Variants in ZFR observed in about 807,000 individuals in gnomAD.
ZFR encodes zinc finger RNA binding protein.
ZFR carries 19 observed loss-of-function variants against 130.7 expected under a neutral mutation model. That is an observed-to-expected ratio of 0.15 (90% CI 0.10 to 0.21). The LOEUF (loss-of-function observed/expected upper bound fraction) is 0.21. ZFR is among the 10% of genes least tolerant of loss of function. ZFR has a pLI of 1.00. For synonymous variants in ZFR, 466 were observed against 456.9 expected, an observed-to-expected ratio of 1.02 and a Z score of -0.25; for missense variants, 872 against 1,321.5, an observed-to-expected ratio of 0.66 and a Z score of 5.27.
At chr5:32,433,134 C>T (rs923627884) in intron 2 of ZFR, among the ~76,000 whole-genome samples, 1 of 151,824 alleles carries the variant, frequency 6.6e-6, no homozygotes, top group Non-Finnish European at 1.5e-5. Context: ...GGTTAAATGT[C>T]GTATGAAAAT....
intron 2 of ZFR, among the ~76,000 whole-genome samples, chr5:32,434,269 C>T (rs948291231): frequency 1.3e-5 from 2 of 152,204 alleles, no homozygotes; most frequent in Non-Finnish European, 2.9e-5. Flanking sequence ...TCATGTAGGA[C>T]ATTATCAGCT....
At chr5:32,440,484 T>C (rs1754444471) in intron 2 of ZFR, among the ~76,000 whole-genome samples, 1 of 151,732 alleles carries the variant, frequency 6.6e-6, no homozygotes, top group Non-Finnish European at 1.5e-5. Flanking sequence ...TCGTCTGTAC[T>C]AAAAATACAA....
At chr5:32,430,708 T>C (rs1191333431) in intron 2 of ZFR, among the ~76,000 whole-genome samples, 2 of 152,110 alleles carry the variant, frequency 1.3e-5, no homozygotes, top group Non-Finnish European at 2.9e-5. Flanking sequence ...GGGAAAAAAC[T>C]GCCTACAGAG....
intron 2 of ZFR, among the ~76,000 whole-genome samples, chr5:32,440,208 T>C (rs1459566774): frequency 6.6e-6 from 1 of 152,206 alleles, no homozygotes; most frequent in Non-Finnish European, 1.5e-5. Flanking sequence ...AAGTTCCCTT[T>C]TGGCCATGAA....
At chr5:32,393,346 T>A (rs111649151) in intron 11 of ZFR, among the ~76,000 whole-genome samples, 2,848 of 145,032 alleles carry the variant, frequency 0.02, 82 homozygotes, top group African/African-American at 0.068. Context: ...TAGTTTTAAA[T>A]TTTTTTTTTT....
intron 5 of ZFR, among the ~76,000 whole-genome samples, chr5:32,409,303 T>C (rs184245563): frequency 6.6e-6 from 1 of 152,272 alleles, no homozygotes; most frequent in East Asian, 1.9e-4. Context: ...TTTAAAACGT[T>C]CTCTTAAATA....
intron 19 of ZFR, among the ~76,000 whole-genome samples, chr5:32,361,248 T>G (rs1752424619): frequency 6.6e-6 from 1 of 152,222 alleles, no homozygotes; most frequent in African/African-American, 2.4e-5. Flanking sequence ...CCAAGTTAGA[T>G]AATTCTAGTT....
chr5:32,384,368 T>A (rs1752992090), intron 15 of ZFR, among the ~76,000 whole-genome samples: 1 of 152,150 alleles, frequency 6.6e-6, no homozygotes, highest in African/African-American at 2.4e-5. Flanking sequence ...GATATAAATA[T>A]CATCTGATTA....
intron 2 of ZFR, among the ~76,000 whole-genome samples, chr5:32,427,635 T>A (rs966813271): frequency 6.6e-6 from 1 of 152,006 alleles, no homozygotes; most frequent in Non-Finnish European, 1.5e-5. Context: ...AGAAAAGAAA[T>A]CTATCCTAAA....
In ZFR at chr5:32,379,961, T is replaced by A. The variant is rs1752900144; in HGVS notation, c.2739+114A>T. On this transcript the variant is annotated intron_variant, in intron 16 of 19. Coordinates refer to ENST00000265069, the MANE Select transcript of ZFR (RefSeq NM_016107.5). ...GTTAACATATTTTCTGATATTTAAT[T>A]TAAAATAGTATTGCTTGGGCAGTCT... 1.2e-5 allele frequency: 9 copies of A among 735,376 alleles called. No individual in the cohort carries two copies. In the East Asian group the frequency reaches 2.5e-4, roughly 20 times the overall value. 45.6% of individuals were successfully genotyped at this position (735,376 alleles called of 1,614,324 possible).
At chr5:32,406,748 C>T (rs2111784057) in intron 6 of ZFR, 26 bp downstream of exon 6, 1 of 1,590,942 alleles carries the variant, frequency 6.3e-7, no homozygotes, top group Non-Finnish European at 8.5e-7. Flanking sequence ...ACTGAAGACT[C>T]AAGGTAAAAC....
intron 6 of ZFR, among the ~76,000 whole-genome samples, chr5:32,405,945 G>A (rs1030349801): frequency 1.3e-5 from 2 of 152,188 alleles, no homozygotes; most frequent in African/African-American, 4.8e-5. Context: ...TAAAGTAAAC[G>A]TGTTACACAG....
intron 2 of ZFR, among the ~76,000 whole-genome samples, chr5:32,425,445 T>C (rs1176961770): frequency 6.6e-6 from 1 of 152,174 alleles, no homozygotes; most frequent in Non-Finnish European, 1.5e-5. Flanking sequence ...TAAAAAGATT[T>C]GTAAAAATGT....
chr5:32,444,056 AAGGCG>A (rs1348266492), intron 2 of ZFR, among the ~76,000 whole-genome samples, 168 bp downstream of exon 2: 24 of 119,954 alleles, frequency 2.0e-4, no homozygotes, highest in Non-Finnish European at 1.4e-4. Context: ...CGGGCCGGGC[AAGGCG>A]GGGCGGGGCG....
At chr5:32,424,381 A>G (rs1016119245) in intron 2 of ZFR, among the ~76,000 whole-genome samples, 1 of 146,974 alleles carries the variant, frequency 6.8e-6, no homozygotes, top group African/African-American at 2.4e-5. Context: ...AATACAAAAC[A>G]TTAGCTGGGC....
chr5:32,444,608 C>T lies in ZFR; in HGVS notation c.37+14G>A. On this transcript the variant is annotated intron_variant, in intron 1 of 19. Coordinates refer to ENST00000265069, the MANE Select transcript of ZFR (RefSeq NM_016107.5). ...GGGGCCGGGCAGAGGCCTCGCGGGC[C>T]ACATTAGACTCACCATAGGTGAAAG... 2 of 1,483,970 alleles carry T rather than the reference C, an allele frequency of 1.3e-6. No homozygotes were observed. The highest frequency in any genetic ancestry group is 1.8e-6 in the Non-Finnish European group (2 of 1,118,390). The allele number at this position is 1,483,970 out of a possible 1,614,324, so 91.9% of individuals were successfully genotyped here.
chr5:32,379,272 GAA>G (rs758760103), intron 16 of ZFR, 62 bp from the exon 17 acceptor site: 5 of 1,437,104 alleles, frequency 3.5e-6, no homozygotes, highest in Non-Finnish European at 4.9e-6. Flanking sequence ...ATCCCTTGAT[GAA>G]AAAAAGTTAA....
At chr5:32,432,503 T>A (rs115639931) in intron 2 of ZFR, among the ~76,000 whole-genome samples, 122 of 152,264 alleles carry the variant, frequency 8.0e-4, no homozygotes, top group African/African-American at 2.9e-3. Context: ...AATTGGATTA[T>A]TTGACTTTTG....
At chr5:32,384,491 T>C (rs960590827) in intron 15 of ZFR, among the ~76,000 whole-genome samples, 6 of 152,220 alleles carry the variant, frequency 3.9e-5, no homozygotes, top group African/African-American at 7.2e-5. Context: ...TGCTTTGTTA[T>C]AAGCAAACAA....
Sources: allele counts gnomAD v4.1 joint callset (sites outside exome capture counted in the v4.1 genomes callset), GRCh38; gene constraint gnomAD v4.1.1; transcripts MANE v1.5; gene names NCBI Gene and HGNC (gene_info 2026-07-23, HGNC 2026-07-21).